Variants in MAGI2 observed in about 807,000 individuals in gnomAD.
MAGI2 encodes membrane-associated guanylate kinase, WW and PDZ domain-containing protein 2.
In MAGI2, 35 loss-of-function variants were observed where a neutral mutation model predicts 133.3. The ratio of observed to expected loss-of-function variants is 0.26; its 90% CI spans 0.20 to 0.35. MAGI2 has a LOEUF of 0.35. Ranked by LOEUF, MAGI2 falls within the 10% of genes least tolerant of loss-of-function variation. The pLI is 1.00. For synonymous variants in MAGI2, 729 were observed against 710.6 expected (o/e 1.03, Z -0.41); for missense variants, 1,636 against 1,863.4 (o/e 0.88, Z 2.25).
At chr7:78,804,933 G>T (rs1020156780) in intron 2 of MAGI2, among the ~76,000 whole-genome samples, 5 of 150,354 alleles carry the variant, frequency 3.3e-5, no homozygotes, top group African/African-American at 1.2e-4. Context: ...CTGGGTGCGG[G>T]TGTGGGCACC....
intron 2 of MAGI2, among the ~76,000 whole-genome samples, chr7:78,783,012 C>CTTTTTTTTTTT (rs11432048): frequency 1.7e-4 from 16 of 96,188 alleles, no homozygotes; most frequent in African/African-American, 3.4e-4. Context: ...TGATTCTTAC[C>CTTTTTTTTTTT]TTTTTTTTTT....
chr7:79,098,563 G>T lies in MAGI2; in HGVS notation c.302-91357C>A, dbSNP rs116041254. Among the ~76,000 whole-genome samples the T allele has an allele frequency of 3.7e-3, 557 of 152,284 alleles. 3 individuals carry two copies. The highest frequency in any genetic ancestry group is 0.013 in the African/African-American group (534 of 41,562). ...TGGATAACATGAGAAGAAAACTTCG[G>T]AGTGCTGAGGAGCTGGTTAGGCTAC... On this transcript the variant is annotated intron_variant, in intron 1 of 21. Transcript: ENST00000354212.
chr7:79,325,517 G>T (rs2129085389), intron 1 of MAGI2, among the ~76,000 whole-genome samples: 1 of 152,202 alleles, frequency 6.6e-6, no homozygotes, highest in South Asian at 2.1e-4. Context: ...CAGTTATGGT[G>T]CAAAGCATGA....
intron 2 of MAGI2, among the ~76,000 whole-genome samples, chr7:78,792,501 G>A (rs1046075390): frequency 2.0e-5 from 3 of 152,156 alleles, no homozygotes; most frequent in South Asian, 2.1e-4. Context: ...GTGAGAAGCC[G>A]ATCATGGTTA....
intron 16 of MAGI2, among the ~76,000 whole-genome samples, chr7:78,142,952 C>T (rs1822912914): frequency 6.6e-6 from 1 of 152,076 alleles, no homozygotes; most frequent in African/African-American, 2.4e-5. Flanking sequence ...CTTTTTTGAC[C>T]TGTTTGGGTC....
intron 1 of MAGI2, among the ~76,000 whole-genome samples, chr7:79,223,971 A>T (rs190819269): frequency 6.6e-6 from 1 of 152,180 alleles, no homozygotes; most frequent in East Asian, 1.9e-4. Context: ...AGCCTAAACC[A>T]TGATCATTGG....
At chr7:79,371,234 T>C (rs1843031393) in intron 1 of MAGI2, among the ~76,000 whole-genome samples, 1 of 152,122 alleles carries the variant, frequency 6.6e-6, no homozygotes. Flanking sequence ...TAAAAAACTA[T>C]CTTAACATCT....
chr7:78,872,675 T>C (rs1346528507), intron 2 of MAGI2, among the ~76,000 whole-genome samples: 2 of 152,068 alleles, frequency 1.3e-5, no homozygotes, highest in Non-Finnish European at 2.9e-5. Context: ...TTTTATTTTG[T>C]TTATGCTTTT....
At chr7:79,290,869 A>G (rs2129558737) in intron 1 of MAGI2, among the ~76,000 whole-genome samples, 1 of 152,240 alleles carries the variant, frequency 6.6e-6, no homozygotes. Flanking sequence ...ATATAAGCAC[A>G]TACCATAAAA....
chr7:78,333,049 T>C (rs1789393423), intron 9 of MAGI2, among the ~76,000 whole-genome samples: 1 of 152,254 alleles, frequency 6.6e-6, no homozygotes, highest in Non-Finnish European at 1.5e-5. Flanking sequence ...ATGGCAGTTT[T>C]AGAAAATTAT....
chr7:78,446,272 A>T (rs1788133446), intron 6 of MAGI2, among the ~76,000 whole-genome samples: 1 of 152,044 alleles, frequency 6.6e-6, no homozygotes, highest in Non-Finnish European at 1.5e-5. Context: ...ACTTCAGTAG[A>T]TGTTCTCAAG....
intron 6 of MAGI2, among the ~76,000 whole-genome samples, chr7:78,457,270 A>G (rs536415996): frequency 1.3e-5 from 2 of 152,292 alleles, no homozygotes; most frequent in Admixed American, 1.3e-4. Flanking sequence ...TCTGCAGACC[A>G]TGATGAAAAG....
chr7:78,980,578 T>A (rs1804694278), intron 2 of MAGI2, among the ~76,000 whole-genome samples: 1 of 151,878 alleles, frequency 6.6e-6, no homozygotes, highest in Admixed American at 6.6e-5. Flanking sequence ...ATGCTGTAAA[T>A]ACCTAGTGTT....
At chr7:78,342,897 G>C (rs951411442) in intron 9 of MAGI2, among the ~76,000 whole-genome samples, 1 of 152,070 alleles carries the variant, frequency 6.6e-6, no homozygotes, top group Non-Finnish European at 1.5e-5. Flanking sequence ...ACCATGGCAC[G>C]TGTATACCTA....
intron 3 of MAGI2, among the ~76,000 whole-genome samples, chr7:78,622,814 T>C (rs577896901): frequency 6.6e-6 from 1 of 152,156 alleles, no homozygotes; most frequent in African/African-American, 2.4e-5. Flanking sequence ...GAGATTCTTA[T>C]TAATCCATGT....
intron 3 of MAGI2, among the ~76,000 whole-genome samples, chr7:78,619,203 A>G (rs1807447816): frequency 6.6e-6 from 1 of 151,714 alleles, no homozygotes; most frequent in South Asian, 2.1e-4. Flanking sequence ...AAAAAAGAAA[A>G]AAGTCACTAG....
intron 1 of MAGI2, among the ~76,000 whole-genome samples, chr7:79,063,406 C>T (rs1042443557): frequency 3.3e-5 from 5 of 152,022 alleles, no homozygotes; most frequent in African/African-American, 7.2e-5. Context: ...AAAAGGATTA[C>T]ATTACAAAGT....
chr7:78,762,914 G>T (rs527462062), intron 2 of MAGI2, among the ~76,000 whole-genome samples: 9 of 152,184 alleles, frequency 5.9e-5, no homozygotes, highest in African/African-American at 2.2e-4. Flanking sequence ...ACACAGTTTA[G>T]TTTGGTACAC....
intron 2 of MAGI2, among the ~76,000 whole-genome samples, chr7:78,729,629 C>T (rs960928496): frequency 2.0e-5 from 3 of 152,154 alleles, no homozygotes; most frequent in African/African-American, 7.2e-5. Context: ...GGCCCTCATC[C>T]ACATGGAGCT....
Sources: gnomAD v4.1 joint callset for allele counts (sites outside exome capture counted in the v4.1 genomes callset) on GRCh38, gnomAD v4.1.1 for gene constraint, MANE v1.5 for transcripts, NCBI Gene and HGNC (gene_info 2026-07-23, HGNC 2026-07-21) for gene names.